CTNS: variants seen among roughly 807,000 people sequenced by gnomAD.
CTNS encodes cystinosin.
A neutral mutation model predicts 43.7 loss-of-function variants in CTNS; 27 were observed. The observed-to-expected ratio is 0.62, with a 90% CI of 0.46 to 0.85. The LOEUF is 0.85. Ranked by LOEUF, CTNS falls within the 40% of genes least tolerant of loss-of-function variation. The pLI, the probability that CTNS is intolerant of heterozygous loss-of-function variation, is 0.00. For missense variants in CTNS, 457 were observed against 475.4 expected (o/e 0.96, Z 0.36); for synonymous variants, 187 against 190.6 (o/e 0.98, Z 0.16).
At chr17:3,655,409 C>T (rs2076105287) in intron 7 of CTNS, 57 bp downstream of exon 7, 3 of 1,608,964 alleles carry the variant, frequency 1.9e-6, no homozygotes, top group Non-Finnish European at 2.5e-6. Context: ...GCAGGGCGTT[C>T]CAGCAAGGCT....
At chr17:3,651,685 TGA>T (rs1026757850) in intron 5 of CTNS, among the ~76,000 whole-genome samples, 5 of 151,936 alleles carry the variant, frequency 3.3e-5, no homozygotes, top group Non-Finnish European at 7.4e-5. Context: ...TCTTCAACAG[TGA>T]GAGGCTGGGC....
Position 3,660,255 on chromosome 17 carries a change from C to T in CTNS, c.990C>T (p.Phe330=), listed in dbSNP as rs544777200. Residue 330 remains phenylalanine (F), a synonymous_variant, in exon 12 of 12, where the codon TTC becomes TTT. Transcript: ENST00000046640. The part of the protein sequence containing the change: ...SYNNDQWTLI[F]GDPTKFGLGV... ...TAACAGACCAGTGGACGCTGATCTT[C>T]GGAGACCCAACCAAGTTTGGACTCG... 44 of 1,614,248 alleles carry T rather than the reference C, an allele frequency of 2.7e-5. No homozygotes were observed. The South Asian group carries it at 2.7e-4, about 10-fold the overall frequency.
chr17:3,661,011 C>G lies in CTNS; in HGVS notation c.*642C>G. The G allele has an allele frequency of 3.9e-6, 2 of 514,216 alleles. No individual in the cohort carries two copies. Among genetic ancestry groups the G allele is most frequent in the Non-Finnish European group, 7.1e-6 (2 of 283,194 alleles). The allele number at this position is 514,216 out of a possible 1,614,324, so 31.9% of individuals were successfully genotyped here. Reference sequence around the variant, plus strand: ...GGTTCTGAATTGGATTCATGCCCAGCGCATTAGCATAGTAACTCCTTTCAG... The same window carrying G: ...GGTTCTGAATTGGATTCATGCCCAGGGCATTAGCATAGTAACTCCTTTCAG... On this transcript the variant is annotated 3_prime_UTR_variant, in exon 12 of 12. Transcript: ENST00000046640.
rs557621132 is a variant in CTNS at position 3,660,807 on chromosome 17, G to A, written c.*438G>A. ...CCCAGAGATCAAGCAGCCCGGTGCC[G>A]TGGCCAGTGAACTCAGAGGTGCTGG... is the stretch of plus-strand genomic sequence containing the variant. On this transcript the variant is annotated 3_prime_UTR_variant, in exon 12 of 12. Coordinates refer to ENST00000046640, the MANE Select transcript of CTNS (RefSeq NM_004937.3). 1.8e-5 allele frequency: 29 copies of A among 1,601,306 alleles called. No homozygotes were observed. Among genetic ancestry groups the A allele is most frequent in the East Asian group, 6.8e-5 (3 of 44,302 alleles).
intron 3 of CTNS, among the ~76,000 whole-genome samples, chr17:3,641,403 T>TTA (rs2075702891): frequency 4.4e-5 from 5 of 113,558 alleles, no homozygotes; most frequent in South Asian, 6.1e-4. Flanking sequence ...TTTTTTTTTT[T>TTA]TTTTTTGAGA....
At position 3,655,004 on chromosome 17, in the gene CTNS, G is replaced by A; in HGVS notation, c.232G>A (p.Val78Met). 1 of 1,612,784 alleles carries A rather than the reference G, an allele frequency of 6.2e-7. No individual in the cohort carries two copies. The highest frequency in any genetic ancestry group is 8.5e-7 in the Non-Finnish European group (1 of 1,178,734). ...TILELPDEVV[V>M]PPGVTNSSFQ... ...ACCTCAGTCTTCCTAACAGGTTGTG[G>A]TGCCTCCTGGAGTGACAAACTCCTC... is the stretch of plus-strand genomic sequence containing the variant. Residue 78 changes from valine to methionine, a missense_variant, in exon 6 of 12, where the codon GTG becomes ATG. Val to Met is a conservative substitution (Grantham distance 21). Coordinates refer to ENST00000046640, the MANE Select transcript of CTNS (RefSeq NM_004937.3).
At chr17:3,647,767 G>A (rs1003074882) in intron 4 of CTNS, among the ~76,000 whole-genome samples, 2 of 152,228 alleles carry the variant, frequency 1.3e-5, no homozygotes, top group Non-Finnish European at 2.9e-5. Flanking sequence ...TCCCAGAGAC[G>A]TGCGTCTTTT....
At position 3,661,026 on chromosome 17, in the gene CTNS, A is replaced by C; in HGVS notation, c.*657A>C. On this transcript the variant is annotated 3_prime_UTR_variant, in exon 12 of 12. Coordinates refer to ENST00000046640, the MANE Select transcript of CTNS (RefSeq NM_004937.3). ...TCATGCCCAGCGCATTAGCATAGTAACTCCTTTCAGATTTTTTGGAGGGAC... is the reference window on the plus strand; with the variant it reads ...TCATGCCCAGCGCATTAGCATAGTACCTCCTTTCAGATTTTTTGGAGGGAC... The C allele has an allele frequency of 2.1e-6, 1 of 466,322 alleles. No individual in the cohort carries two copies. Among genetic ancestry groups the C allele is most frequent in the Non-Finnish European group, 3.9e-6 (1 of 253,482 alleles). The allele number at this position is 466,322 out of a possible 1,614,324, so 28.9% of individuals were successfully genotyped here.
chr17:3,654,576 G>A (rs2076076554), intron 5 of CTNS, among the ~76,000 whole-genome samples: 1 of 151,878 alleles, frequency 6.6e-6, no homozygotes, highest in Non-Finnish European at 1.5e-5. Flanking sequence ...CGGGACTCAG[G>A]AGCCTAAGGC....
chr17:3,647,544 T>A (rs990135552), intron 4 of CTNS, 22 bp downstream of exon 4: 1 of 1,610,856 alleles, frequency 6.2e-7, no homozygotes, highest in African/African-American at 1.3e-5. Flanking sequence ...GGCCTGGCGC[T>A]GTGCTCAGCT....
intron 11 of CTNS, 88 bp downstream of exon 11, chr17:3,660,063 C>A (rs1384362617): frequency 7.0e-7 from 1 of 1,437,308 alleles, no homozygotes; most frequent in Non-Finnish European, 9.8e-7. Flanking sequence ...CAGGGCTCCA[C>A]CCCCACCTGG....
At chr17:3,658,737 T>C (rs1039363675) in intron 10 of CTNS, among the ~76,000 whole-genome samples, 1 of 152,170 alleles carries the variant, frequency 6.6e-6, no homozygotes, top group Non-Finnish European at 1.5e-5. Context: ...CCCCCAGCCC[T>C]GGGAGCCTCG....
upstream of CTNS, chr17:3,636,618 G>A (rs1334914823): frequency 1.0e-5 from 2 of 199,256 alleles, no homozygotes; most frequent in Non-Finnish European, 2.0e-5. Flanking sequence ...CGACCCAGCT[G>A]CGCTCTGTCC....
chr17:3,650,038 A>G, intron 5 of CTNS: 1 of 1,364,656 alleles, frequency 7.3e-7, no homozygotes, highest in Admixed American at 2.6e-5. Context: ...CAACAACAAA[A>G]AAAAGATAAG....
At position 3,655,114 on chromosome 17, in the gene CTNS, C is replaced by T. The variant is rs1567709494; in HGVS notation, c.329+13C>T. The T allele has an allele frequency of 6.2e-7, 1 of 1,613,826 alleles. No homozygotes were observed. The highest frequency in any genetic ancestry group is 1.1e-5 in the South Asian group (1 of 91,078). The stretch of plus-strand genomic sequence containing the variant: ...CCAATCAGACCGGGTAGGCTGGCCT[C>T]AGGGTGTGCGGGCCTCACGTGACAA... On this transcript the variant is annotated intron_variant, in intron 6 of 11. Transcript: ENST00000046640.
At position 3,641,660 on chromosome 17, in the gene CTNS, G is replaced by A. The variant is rs558620787; in HGVS notation, c.61+1393G>A. Among the ~76,000 whole-genome samples the A allele has an allele frequency of 1.1e-4, 17 of 151,862 alleles. No individual in the cohort carries two copies. In the South Asian group the frequency reaches 3.3e-3, roughly 30 times the overall value. ...CCTGCCTTGGCCTCCCAAAGTGCTG[G>A]GATTACAGGCATGAGCCACCGTGCC... is the stretch of plus-strand genomic sequence containing the variant. On this transcript the variant is annotated intron_variant, in intron 3 of 11. Transcript: ENST00000046640.
At position 3,655,006 on chromosome 17, in the gene CTNS, GC is replaced by G. The variant is rs2076092608; in HGVS notation, c.236del (p.Pro79LeufsTer4). On this transcript the variant is annotated frameshift_variant, in exon 6 of 12. Coordinates refer to ENST00000046640, the MANE Select transcript of CTNS (RefSeq NM_004937.3). LOFTEE classifies it high-confidence loss of function. ...CTCAGTCTTCCTAACAGGTTGTGGT[GC>G]CTCCTGGAGTGACAAACTCCTCTTT... Reference protein sequence around the residue: ...ILELPDEVVVPPGVTNSSFQV... With the variant: ...ILELPDEVVVXPGVTNSSFQV... The G allele has an allele frequency of 6.2e-7, 1 of 1,612,882 alleles. No individual in the cohort carries two copies. The highest frequency in any genetic ancestry group is 1.1e-5 in the South Asian group (1 of 91,070).
rs200336280 is a variant in CTNS, at chr17:3,658,008, G to T, written c.685G>T (p.Gly229Cys). ...TCTGCCCTCCTCTCGCCCCCAGCGC[G>T]GTGGCCAGCGCGTGTCCTGGCCTGC... The part of the protein sequence containing the change: ...IIVQCCLYER[G>C]GQRVSWPAIG... Residue 229 changes from glycine (G) to cysteine (C), a missense_variant, in exon 10 of 12, where the codon GGT becomes TGT. Transcript: ENST00000046640. 133 of 1,609,200 alleles carry T rather than the reference G, an allele frequency of 8.3e-5. 2 individuals carry two copies. The South Asian group carries it at 1.4e-3, about 17-fold the overall frequency.
intron 5 of CTNS, among the ~76,000 whole-genome samples, chr17:3,652,330 G>C (rs149547530): frequency 2.6e-3 from 394 of 152,262 alleles, no homozygotes; most frequent in Non-Finnish European, 3.9e-3. Context: ...GGTGGCTCAT[G>C]CCTGTAATCC....
Sources: allele counts gnomAD v4.1 joint callset (sites outside exome capture counted in the v4.1 genomes callset), GRCh38; gene constraint gnomAD v4.1.1; transcripts MANE v1.5; gene names NCBI Gene and HGNC (gene_info 2026-07-23, HGNC 2026-07-21).